RBBP8: variants seen among roughly 807,000 people sequenced by gnomAD.
The protein encoded by RBBP8 is RB binding protein 8, endonuclease.
In RBBP8, 88 loss-of-function variants were observed where a neutral mutation model predicts 108.3. The observed-to-expected ratio is 0.81, with a 90% confidence interval of 0.68 to 0.97. The LOEUF (loss-of-function observed/expected upper bound fraction) is 0.97. Among genes scored for constraint, RBBP8 ranks in the 50% least tolerant of loss-of-function variants. RBBP8 has a pLI of 0.00. For synonymous variants in RBBP8, 332 were observed against 348.2 expected, an observed-to-expected ratio of 0.95 and a Z score of 0.52; for missense variants, 1,023 against 1,049.0, an observed-to-expected ratio of 0.98 and a Z score of 0.34.
intron 5 of RBBP8, among the ~76,000 whole-genome samples, chr18:22,973,995 G>A (rs559424621): frequency 2.1e-4 from 32 of 152,234 alleles, no homozygotes; most frequent in Non-Finnish European, 3.2e-4. Flanking sequence ...GATCCTCCAC[G>A]AAAGTAGTTT....
At chr18:22,980,576 A>G (rs1247785449) in intron 6 of RBBP8, among the ~76,000 whole-genome samples, 1 of 152,110 alleles carries the variant, frequency 6.6e-6, no homozygotes, top group East Asian at 1.9e-4. Flanking sequence ...AAGGTCAGAG[A>G]GGAAAAATGG....
chr18:22,971,320 G>C lies in RBBP8; in HGVS notation c.361+2402G>C, dbSNP rs73966410. 1.5e-3 allele frequency among the ~76,000 whole-genome samples: 234 copies of C among 152,178 alleles called. 1 individual carries two copies. Among genetic ancestry groups the C allele is most frequent in the African/African-American group, 5.4e-3 (223 of 41,536 alleles). On this transcript the variant is annotated intron_variant, in intron 5 of 18. Transcript: ENST00000327155. Reference sequence around the variant, plus strand: ...GTAGATTGTCTAGGTAAAAATATTTGCAAATAGTGACAATTTCGTCTTTTC... The same window carrying C: ...GTAGATTGTCTAGGTAAAAATATTTCCAAATAGTGACAATTTCGTCTTTTC...
At chr18:22,917,620 C>T (rs1043617747) in intron 3 of RBBP8, among the ~76,000 whole-genome samples, 1 of 152,096 alleles carries the variant, frequency 6.6e-6, no homozygotes, top group African/African-American at 2.4e-5. Context: ...TATTTTCTTT[C>T]AGTAAGAGAA....
intron 3 of RBBP8, among the ~76,000 whole-genome samples, chr18:22,947,547 A>C (rs1911673708): frequency 6.6e-6 from 1 of 152,116 alleles, no homozygotes; most frequent in African/African-American, 2.4e-5. Context: ...CAGTTACCTT[A>C]GAAAGACAGA....
intron 2 of RBBP8, among the ~76,000 whole-genome samples, chr18:22,938,111 G>A (rs1418374990): frequency 6.6e-6 from 1 of 151,858 alleles, no homozygotes; most frequent in Non-Finnish European, 1.5e-5. Flanking sequence ...ACAGGTGTCC[G>A]CTGCTGTGCC....
chr18:22,950,054 G>T, intron 4 of RBBP8: 1 of 210,712 alleles, frequency 4.7e-6, no homozygotes, highest in Non-Finnish European at 9.6e-6. Flanking sequence ...GTCTTTTCTT[G>T]TTCTTGCTGT....
At chr18:22,997,585 T>C (rs1456786255) in intron 13 of RBBP8, 35 bp from the exon 14 acceptor site, 2 of 1,270,132 alleles carry the variant, frequency 1.6e-6, no homozygotes, top group African/African-American at 3.0e-5. Context: ...AAGGAATAAT[T>C]GTTAAAATTT....
At chr18:22,968,777 G>A (rs1457263731) in intron 4 of RBBP8, 29 bp from the exon 5 acceptor site, 1 of 1,564,192 alleles carries the variant, frequency 6.4e-7, no homozygotes. Flanking sequence ...TCTTTTAGTG[G>A]ATGAAAAATA....
At chr18:22,967,313 C>T (rs554981033) in intron 4 of RBBP8, among the ~76,000 whole-genome samples, 1 of 147,686 alleles carries the variant, frequency 6.8e-6, no homozygotes, top group East Asian at 2.1e-4. Flanking sequence ...TTGCAGTGAG[C>T]TGAGATTGCG....
At chr18:22,994,283 A>G (rs2045811640) in intron 12 of RBBP8, among the ~76,000 whole-genome samples, 1 of 140,774 alleles carries the variant, frequency 7.1e-6, no homozygotes, top group Non-Finnish European at 1.5e-5. Flanking sequence ...TCGGCCTCCC[A>G]AAGTGCTGGG....
chr18:22,922,986 T>C (rs545222819), intron 3 of RBBP8, among the ~76,000 whole-genome samples: 1 of 152,302 alleles, frequency 6.6e-6, no homozygotes, highest in Admixed American at 6.5e-5. Context: ...GTGTAATTCT[T>C]TCTATAATTA....
At chr18:22,922,944 A>C (rs56047693) in intron 3 of RBBP8, among the ~76,000 whole-genome samples, 18 of 152,184 alleles carry the variant, frequency 1.2e-4, no homozygotes, top group African/African-American at 4.3e-4. Context: ...ATGTAAATCA[A>C]GATAATACAT....
chr18:23,023,332 A>G (rs1162558870), intron 18 of RBBP8, among the ~76,000 whole-genome samples: 1 of 152,240 alleles, frequency 6.6e-6, no homozygotes, highest in Non-Finnish European at 1.5e-5. Context: ...CTGGATGTTT[A>G]TAAGTGGTAT....
At chr18:22,925,218 AAACT>A (rs1486843875) in intron 3 of RBBP8, among the ~76,000 whole-genome samples, 2 of 152,184 alleles carry the variant, frequency 1.3e-5, no homozygotes, top group Admixed American at 6.5e-5. Flanking sequence ...CCACAAAAAC[AAACT>A]GTCACCAAGA....
intron 1 of RBBP8, among the ~76,000 whole-genome samples, chr18:22,936,413 T>A (rs966249813): frequency 6.6e-6 from 1 of 152,198 alleles, no homozygotes; most frequent in Non-Finnish European, 1.5e-5. Context: ...AAACAATACA[T>A]TAGTCTATAG....
intron 16 of RBBP8, 92 bp downstream of exon 16, chr18:23,006,524 CAG>C (rs1490374190): frequency 4.1e-5 from 46 of 1,114,614 alleles, no homozygotes; most frequent in Non-Finnish European, 5.7e-5. Context: ...TTTTTAAAGA[CAG>C]AGTCTTGCTC....
chr18:22,945,738 T>A (rs1401798307), intron 2 of RBBP8, among the ~76,000 whole-genome samples: 2 of 152,220 alleles, frequency 1.3e-5, no homozygotes, highest in Non-Finnish European at 2.9e-5. Flanking sequence ...ACAATTTTGC[T>A]AGTTGTTTTG....
At chr18:22,972,943 G>A (rs1914223891) in intron 5 of RBBP8, among the ~76,000 whole-genome samples, 1 of 152,160 alleles carries the variant, frequency 6.6e-6, no homozygotes, top group Admixed American at 6.5e-5. Context: ...AAGACACCTT[G>A]CTAGAGAGCT....
At chr18:22,994,178 C>G (rs1023655676) in intron 12 of RBBP8, among the ~76,000 whole-genome samples, 1 of 148,716 alleles carries the variant, frequency 6.7e-6, no homozygotes, top group Non-Finnish European at 1.5e-5. Context: ...CCACCATGCC[C>G]GGCTAATTTT....
Sources: gnomAD v4.1 joint callset for allele counts (sites outside exome capture counted in the v4.1 genomes callset) on GRCh38, gnomAD v4.1.1 for gene constraint, MANE v1.5 for transcripts, NCBI Gene and HGNC (gene_info 2026-07-23, HGNC 2026-07-21) for gene names.